The following NCAM2 variants were observed in gnomAD, a reference collection of about 807,000 sequenced individuals.
NCAM2 encodes the protein N-CAM-2.
Under a neutral mutation model 98.1 loss-of-function variants are expected in NCAM2, and 30 were observed. That is an observed-to-expected ratio of 0.31 (90% CI 0.23 to 0.41). NCAM2 has a LOEUF of 0.41. NCAM2 is among the 10% of genes least tolerant of loss of function. The probability of loss-of-function intolerance (pLI) is 1.00; values close to 1 mark genes in which losing one functional copy is unlikely to be tolerated. For synonymous variants in NCAM2, 368 were observed against 342.4 expected (o/e 1.07, Z -0.83); for missense variants, 867 against 1,005.8 (o/e 0.86, Z 1.87).
intron 12 of NCAM2, among the ~76,000 whole-genome samples, chr21:21,439,156 C>T (rs1171777945): frequency 6.7e-6 from 1 of 150,042 alleles, no homozygotes; most frequent in Non-Finnish European, 1.5e-5. Flanking sequence ...CTTGCTCTGT[C>T]CCCCAAGGCT....
At chr21:21,177,838 T>C (rs1569113233) in intron 1 of NCAM2, among the ~76,000 whole-genome samples, 1 of 151,880 alleles carries the variant, frequency 6.6e-6, no homozygotes, top group East Asian at 1.9e-4. Flanking sequence ...CTGGACACTT[T>C]CCTCTCAATG....
At chr21:21,194,326 A>T (rs898349706) in intron 1 of NCAM2, among the ~76,000 whole-genome samples, 2 of 152,182 alleles carry the variant, frequency 1.3e-5, no homozygotes, top group Non-Finnish European at 2.9e-5. Context: ...GGACTTGGAA[A>T]CATAAGGATA....
chr21:21,485,036 G>A (rs2146290048), intron 15 of NCAM2, among the ~76,000 whole-genome samples: 1 of 152,044 alleles, frequency 6.6e-6, no homozygotes, highest in Non-Finnish European at 1.5e-5. Flanking sequence ...TTAAGTATAA[G>A]TTTCCAACTT....
At chr21:21,519,766 T>G (rs1023440500) in intron 16 of NCAM2, among the ~76,000 whole-genome samples, 1 of 152,122 alleles carries the variant, frequency 6.6e-6, no homozygotes, top group Non-Finnish European at 1.5e-5. Context: ...GAAAAAGATA[T>G]AAAATCTTAA....
At chr21:21,186,504 A>T (rs1438800166) in intron 1 of NCAM2, among the ~76,000 whole-genome samples, 1 of 152,196 alleles carries the variant, frequency 6.6e-6, no homozygotes. Context: ...CTGCTAATGG[A>T]TAAGAAACAG....
intron 10 of NCAM2, among the ~76,000 whole-genome samples, chr21:21,418,168 A>G (rs1042639622): frequency 3.3e-5 from 5 of 152,138 alleles, no homozygotes; most frequent in Admixed American, 2.0e-4. Context: ...TGAGCTTTAC[A>G]TATATGTAGA....
At chr21:21,083,794 A>G (rs887331964) in intron 1 of NCAM2, among the ~76,000 whole-genome samples, 1 of 152,170 alleles carries the variant, frequency 6.6e-6, no homozygotes, top group African/African-American at 2.4e-5. Flanking sequence ...AGATGTTTTT[A>G]TATACTTTGC....
intron 1 of NCAM2, among the ~76,000 whole-genome samples, chr21:21,204,101 C>T (rs1006076857): frequency 2.0e-5 from 3 of 152,070 alleles, no homozygotes; most frequent in Admixed American, 6.5e-5. Context: ...CCTTTACCTC[C>T]AGTTACTGCA....
intron 1 of NCAM2, among the ~76,000 whole-genome samples, chr21:21,142,163 A>G (rs2067180365): frequency 6.6e-6 from 1 of 152,166 alleles, no homozygotes; most frequent in Non-Finnish European, 1.5e-5. Context: ...TCAGTTAGCA[A>G]TAGCGAAAAC....
rs75841569 is a variant in NCAM2, at chr21:21,224,676, A to C, written c.56-55902A>C. Among the ~76,000 whole-genome samples, 1,500 of 152,238 alleles carry C rather than the reference A, an allele frequency of 9.9e-3. 63 individuals carry two copies. In the East Asian group the frequency reaches 0.16, roughly 16 times the overall value. ...CAATATTTGGTAAAGTTTCATTTGT[A>C]ATATATGATTAGCAGACAAAGACTG... On this transcript the variant is annotated intron_variant, in intron 1 of 17. Transcript: ENST00000400546.
At chr21:21,442,042 A>G (rs2146084253) in intron 12 of NCAM2, among the ~76,000 whole-genome samples, 1 of 152,304 alleles carries the variant, frequency 6.6e-6, no homozygotes, top group East Asian at 1.9e-4. Context: ...TTACATACAC[A>G]TTAAAGTTCC....
intron 8 of NCAM2, among the ~76,000 whole-genome samples, chr21:21,354,795 T>C (rs895330737): frequency 6.6e-6 from 1 of 151,418 alleles, no homozygotes; most frequent in African/African-American, 2.4e-5. Flanking sequence ...TATTCACAAA[T>C]CATTGTAAAA....
intron 1 of NCAM2, among the ~76,000 whole-genome samples, chr21:21,239,708 TAGTC>T (rs1050263753): frequency 6.6e-6 from 1 of 152,120 alleles, no homozygotes; most frequent in African/African-American, 2.4e-5. Flanking sequence ...CATTTTATCA[TAGTC>T]AGTCTTTTCA....
intron 1 of NCAM2, among the ~76,000 whole-genome samples, chr21:21,246,610 T>C (rs1484267855): frequency 6.6e-6 from 1 of 152,192 alleles, no homozygotes; most frequent in African/African-American, 2.4e-5. Context: ...ACAAATTGCA[T>C]ATAAATCTGT....
chr21:21,342,714 A>G (rs1224141024), intron 8 of NCAM2, among the ~76,000 whole-genome samples: 7 of 152,246 alleles, frequency 4.6e-5, no homozygotes, highest in African/African-American at 1.7e-4. Flanking sequence ...GAGAGGAATT[A>G]GGCACTCTGT....
rs11088850 is a variant in NCAM2, at chr21:21,089,213, T to C, written c.55+90595T>C. 1.9e-4 allele frequency among the ~76,000 whole-genome samples: 29 copies of C among 152,278 alleles called. No homozygotes were observed. The East Asian group carries it at 5.4e-3, about 28-fold the overall frequency. ...GTGTTTGAAAATATGATTAAAAAAT[T>C]ACCCCAATAGAAATATTTGGGAACA... On this transcript the variant is annotated intron_variant, in intron 1 of 17. Transcript: ENST00000400546.
At chr21:21,420,407 A>G (rs1011670611) in intron 11 of NCAM2, among the ~76,000 whole-genome samples, 1 of 152,008 alleles carries the variant, frequency 6.6e-6, no homozygotes, top group African/African-American at 2.4e-5. Flanking sequence ...TTTAAAAAAT[A>G]GTTTATGTAG....
intron 9 of NCAM2, among the ~76,000 whole-genome samples, chr21:21,389,253 C>T (rs568147744): frequency 1.3e-5 from 2 of 152,150 alleles, no homozygotes; most frequent in Non-Finnish European, 2.9e-5. Flanking sequence ...AGTGTGTGCA[C>T]GGGAATTCCC....
At chr21:21,343,655 A>G (rs192830914) in intron 8 of NCAM2, among the ~76,000 whole-genome samples, 48 of 152,228 alleles carry the variant, frequency 3.2e-4, no homozygotes, top group African/African-American at 1.1e-3. Context: ...AATTCAACTG[A>G]CACCCACCCA....
Sources: allele counts gnomAD v4.1 joint callset (sites outside exome capture counted in the v4.1 genomes callset), GRCh38; gene constraint gnomAD v4.1.1; transcripts MANE v1.5; gene names NCBI Gene and HGNC (gene_info 2026-07-23, HGNC 2026-07-21).